ZNRF1: variants seen among roughly 807,000 people sequenced by gnomAD.
ZNRF1 encodes the protein zinc and ring finger 1, also known as E3 ubiquitin-protein ligase ZNRF1.
ZNRF1 carries 3 observed loss-of-function variants against 18.4 expected under a neutral mutation model. That is an observed-to-expected ratio of 0.16 (90% confidence interval 0.07 to 0.42). The LOEUF is 0.42. Ranked by LOEUF, ZNRF1 falls within the 10% of genes least tolerant of loss-of-function variation. The pLI, the probability that ZNRF1 is intolerant of heterozygous loss-of-function variation, is 0.99. For synonymous variants in ZNRF1, 157 were observed against 144.2 expected, an observed-to-expected ratio of 1.09 and a Z score of -0.64; for missense variants, 310 against 329.8, an observed-to-expected ratio of 0.94 and a Z score of 0.47.
intron 2 of ZNRF1, chr16:75,095,772 G>GCGA: frequency 6.7e-7 from 1 of 1,496,996 alleles, no homozygotes; most frequent in South Asian, 1.3e-5. Flanking sequence ...CAGCTCCTCT[G>GCGA]CCAGAGAACT....
chr16:75,044,770 C>T (rs1183332599), intron 1 of ZNRF1, among the ~76,000 whole-genome samples: 1 of 152,186 alleles, frequency 6.6e-6, no homozygotes, highest in East Asian at 1.9e-4. Flanking sequence ...TACCCCTTTC[C>T]CTTGGAAAAG....
rs897514004 is a variant in ZNRF1, at chr16:75,051,212, A to AT, written c.425-42349dup. Among the ~76,000 whole-genome samples the AT allele has an allele frequency of 8.2e-3, 1,196 of 145,174 alleles. 5 individuals carry two copies. The highest frequency in any genetic ancestry group is 0.014 in the Non-Finnish European group (898 of 65,838). On this transcript the variant is annotated intron_variant, in intron 1 of 4. Transcript: ENST00000335325. ...CTACTACCCACCTCCAAATACATCTATTTTTTTTTTTCTGAGACGGAGTCT... is the reference window on the plus strand; with the variant it reads ...CTACTACCCACCTCCAAATACATCTATTTTTTTTTTTTCTGAGACGGAGTCT...
At chr16:75,054,505 G>T (rs1189671302) in intron 1 of ZNRF1, among the ~76,000 whole-genome samples, 2 of 152,232 alleles carry the variant, frequency 1.3e-5, no homozygotes, top group Non-Finnish European at 2.9e-5. Context: ...GGGTCTGCAG[G>T]GAAGTGGGGG....
intron 2 of ZNRF1, 23 bp downstream of exon 2, chr16:75,093,690 C>T (rs1428240795): frequency 1.9e-6 from 3 of 1,596,872 alleles, no homozygotes; most frequent in Non-Finnish European, 8.6e-7. Flanking sequence ...CCTGCCTCAC[C>T]AGCCTCCAGA....
rs140775150 is a variant in ZNRF1, at chr16:75,073,166, A to G, written c.425-20406A>G. ...TCTCTCTCTCTCTGTCTCTCTGTCT[A>G]TATATATGTATATATATATACACAC... On this transcript the variant is annotated intron_variant, in intron 1 of 4. Transcript: ENST00000335325. Among the ~76,000 whole-genome samples, 15 of 70,282 alleles carry G rather than the reference A, an allele frequency of 2.1e-4. 1 individual carries two copies. The East Asian group carries it at 5.5e-3, about 26-fold the overall frequency. The allele number at this position is 70,282 out of a possible 152,430, so 46.1% of individuals were successfully genotyped here.
Position 75,026,258 on chromosome 16 carries a change from AT to A in ZNRF1, c.424+26174del, listed in dbSNP as rs924079723. On this transcript the variant is annotated intron_variant, in intron 1 of 4. Transcript: ENST00000335325. ...AAAGAAAAACATTCTAAGGTTATTT[AT>A]TTTTTTTTTTAAGCTGTTGCTGTTA... Among the ~76,000 whole-genome samples, 40 of 148,918 alleles carry A rather than the reference AT, an allele frequency of 2.7e-4. No individual in the cohort carries two copies. In the South Asian group the frequency reaches 3.9e-3, roughly 14 times the overall value.
chr16:75,021,988 C>G (rs1259043935), intron 1 of ZNRF1, among the ~76,000 whole-genome samples: 1 of 152,134 alleles, frequency 6.6e-6, no homozygotes, highest in African/African-American at 2.4e-5. Context: ...TTCTTAAACT[C>G]TTTTGTATTT....
At chr16:75,078,177 A>T (rs1246808892) in intron 1 of ZNRF1, among the ~76,000 whole-genome samples, 1 of 152,072 alleles carries the variant, frequency 6.6e-6, no homozygotes, top group Non-Finnish European at 1.5e-5. Flanking sequence ...CCTTGGTCAC[A>T]TAACTTGTGC....
intron 1 of ZNRF1, among the ~76,000 whole-genome samples, chr16:75,003,689 T>A (rs1188531251): frequency 6.6e-6 from 1 of 152,202 alleles, no homozygotes; most frequent in African/African-American, 2.4e-5. Flanking sequence ...GAGATTGCGC[T>A]GGCCTACGAG....
intron 1 of ZNRF1, among the ~76,000 whole-genome samples, chr16:75,073,526 T>G (rs2035900319): frequency 6.6e-6 from 1 of 152,192 alleles, no homozygotes; most frequent in East Asian, 1.9e-4. Context: ...ATTTTTCATT[T>G]CTGTGCATAC....
intron 1 of ZNRF1, among the ~76,000 whole-genome samples, chr16:75,001,361 G>T (rs2034846911): frequency 6.6e-6 from 1 of 152,060 alleles, no homozygotes; most frequent in South Asian, 2.1e-4. Context: ...AATAGTGTTG[G>T]GGGAGAAACG....
chr16:75,040,958 G>C (rs979648323), intron 1 of ZNRF1, among the ~76,000 whole-genome samples: 5 of 152,084 alleles, frequency 3.3e-5, no homozygotes, highest in African/African-American at 1.2e-4. Context: ...TCAGTAGTTT[G>C]TGCTGACATC....
At chr16:75,044,986 T>A (rs1256795583) in intron 1 of ZNRF1, among the ~76,000 whole-genome samples, 2 of 152,130 alleles carry the variant, frequency 1.3e-5, no homozygotes, top group African/African-American at 4.8e-5. Flanking sequence ...GGTAGAGTGT[T>A]TGAAATAATT....
intron 1 of ZNRF1, among the ~76,000 whole-genome samples, chr16:75,018,302 C>G (rs951666907): frequency 6.6e-6 from 1 of 152,092 alleles, no homozygotes; most frequent in Non-Finnish European, 1.5e-5. Flanking sequence ...TTGTTATGCT[C>G]TTGTAGGTTT....
At position 74,999,762 on chromosome 16, in the gene ZNRF1, G is replaced by A. The variant is rs2034812636; in HGVS notation, c.91G>A (p.Ala31Thr). The change falls in exon 1 of 5, where the codon GCG becomes ACG. Residue 31 changes from alanine to threonine, a missense_variant. Physicochemically the swap from Ala to Thr is moderately conservative, Grantham distance 58 (BLOSUM62 0). Around this residue, in one of 2 missense-constraint regions of ZNRF1, gnomAD observed 293 missense variants for 291.2 expected, o/e 1.01. Coordinates refer to ENST00000335325, the MANE Select transcript of ZNRF1 (RefSeq NM_032268.5). Reference sequence around the variant, plus strand: ...CAGCGCCGTGCCGCCGCCGGGAGGGGCGCCCCATTTCGGGCACTACCGGAC... The same window carrying A: ...CAGCGCCGTGCCGCCGCCGGGAGGGACGCCCCATTTCGGGCACTACCGGAC... ...DDSAVPPPGG[A>T]PHFGHYRTGG... The A allele has an allele frequency of 2.9e-6, 4 of 1,393,546 alleles. No homozygotes were observed. The highest frequency in any genetic ancestry group is 3.7e-6 in the Non-Finnish European group (4 of 1,080,278). 86.3% of individuals were successfully genotyped at this position (1,393,546 alleles called of 1,614,324 possible).
At position 75,044,282 on chromosome 16, in the gene ZNRF1, T is replaced by C. The variant is rs545962752; in HGVS notation, c.424+44187T>C. 5.3e-5 allele frequency among the ~76,000 whole-genome samples: 8 copies of C among 152,282 alleles called. No homozygotes were observed. The East Asian group carries it at 1.5e-3, about 29-fold the overall frequency. ...TCTCTCTCTGTTGCCCAGGCTAGAA[T>C]TGCACAGCTTACTGCAACCTCTGCC... On this transcript the variant is annotated intron_variant, in intron 1 of 4. Transcript: ENST00000335325.
chr16:75,021,602 T>C (rs957580048), intron 1 of ZNRF1, among the ~76,000 whole-genome samples: 4 of 152,240 alleles, frequency 2.6e-5, no homozygotes, highest in African/African-American at 9.6e-5. Flanking sequence ...TAGCTAGTTA[T>C]AAAAGTCTGG....
chr16:75,045,259 G>A (rs2035500669), intron 1 of ZNRF1, among the ~76,000 whole-genome samples: 1 of 152,160 alleles, frequency 6.6e-6, no homozygotes, highest in Admixed American at 6.6e-5. Flanking sequence ...GAAAAACCTA[G>A]TAACAGACCT....
intron 1 of ZNRF1, among the ~76,000 whole-genome samples, chr16:75,012,043 C>T (rs904240421): frequency 2.0e-5 from 3 of 152,186 alleles, no homozygotes; most frequent in Non-Finnish European, 4.4e-5. Context: ...TAGCATTTCT[C>T]ACCAGGGGAA....
Sources: gnomAD v4.1 joint callset for allele counts (sites outside exome capture counted in the v4.1 genomes callset) on GRCh38, gnomAD v4.1.1 for gene constraint, gnomAD v4.1.1 regional missense constraint, MANE v1.5 for transcripts, NCBI Gene and HGNC (gene_info 2026-07-23, HGNC 2026-07-21) for gene names.